SPOCK3: variants seen among roughly 807,000 people sequenced by gnomAD.
SPOCK3 encodes the protein SPARC (osteonectin), cwcv and kazal like domains proteoglycan 3.
SPOCK3 carries 30 observed loss-of-function variants against 56.6 expected under a neutral mutation model. That is an observed-to-expected ratio of 0.53 (90% confidence interval 0.40 to 0.72). The LOEUF (loss-of-function observed/expected upper bound fraction) is 0.72. SPOCK3 is among the 30% of genes least tolerant of loss of function. SPOCK3 has a pLI of 0.00. For synonymous variants in SPOCK3, 196 were observed against 183.3 expected (o/e 1.07, Z -0.56); for missense variants, 527 against 530.0 (o/e 0.99, Z 0.06).
At chr4:166,946,131 C>T (rs1408605249) in intron 4 of SPOCK3, among the ~76,000 whole-genome samples, 1 of 152,062 alleles carries the variant, frequency 6.6e-6, no homozygotes, top group Non-Finnish European at 1.5e-5. Flanking sequence ...ATTTGGTTAT[C>T]TCTGTTTTGC....
At chr4:166,869,606 CTGTGTGTGTGTGTGTG>C (rs34623275) in intron 6 of SPOCK3, among the ~76,000 whole-genome samples, 23 of 141,928 alleles carry the variant, frequency 1.6e-4, no homozygotes, top group Admixed American at 9.4e-4. Flanking sequence ...CAATAGAATT[CTGTGTGTGTGTGTGTG>C]TGTGTGTGTG....
At chr4:166,993,798 C>A (rs1336445177) in intron 4 of SPOCK3, among the ~76,000 whole-genome samples, 1 of 152,126 alleles carries the variant, frequency 6.6e-6, no homozygotes, top group African/African-American at 2.4e-5. Context: ...TTTAATTCTA[C>A]CTTGGGTTGG....
At chr4:167,071,734 A>G (rs1756705079) in intron 2 of SPOCK3, among the ~76,000 whole-genome samples, 1 of 152,068 alleles carries the variant, frequency 6.6e-6, no homozygotes, top group Non-Finnish European at 1.5e-5. Context: ...TTGGATATAT[A>G]CCCAGTAATG....
chr4:166,816,550 T>C (rs1744405469), intron 6 of SPOCK3, among the ~76,000 whole-genome samples: 1 of 152,090 alleles, frequency 6.6e-6, no homozygotes, highest in Non-Finnish European at 1.5e-5. Context: ...TTTTGTTTTT[T>C]TTCCTTCAAG....
intron 2 of SPOCK3, among the ~76,000 whole-genome samples, chr4:167,086,084 G>C (rs1040974492): frequency 6.6e-6 from 1 of 151,850 alleles, no homozygotes; most frequent in African/African-American, 2.4e-5. Flanking sequence ...TTCTTTATCT[G>C]TTTCAACCAT....
intron 3 of SPOCK3, among the ~76,000 whole-genome samples, chr4:167,002,027 C>T (rs932531231): frequency 4.6e-5 from 7 of 152,052 alleles, no homozygotes; most frequent in African/African-American, 1.4e-4. Context: ...GGTGCGATCT[C>T]GGCTCACTTC....
chr4:167,222,844 T>A (rs1189912325), intron 2 of SPOCK3, among the ~76,000 whole-genome samples: 1 of 127,584 alleles, frequency 7.8e-6, no homozygotes, highest in Admixed American at 8.4e-5. Flanking sequence ...TATATTGATA[T>A]GTGAATATAT....
At chr4:167,219,367 T>C (rs1735675235) in intron 2 of SPOCK3, among the ~76,000 whole-genome samples, 1 of 152,224 alleles carries the variant, frequency 6.6e-6, no homozygotes, top group African/African-American at 2.4e-5. Flanking sequence ...TTGCCTATTG[T>C]ACCCTATGTA....
chr4:167,113,255 A>C (rs1259158569), intron 2 of SPOCK3, among the ~76,000 whole-genome samples: 1 of 152,178 alleles, frequency 6.6e-6, no homozygotes, highest in Non-Finnish European at 1.5e-5. Flanking sequence ...TTCGTATTGA[A>C]CAACTCTATA....
intron 6 of SPOCK3, among the ~76,000 whole-genome samples, chr4:166,835,875 G>A (rs528869790): frequency 1.3e-5 from 2 of 152,074 alleles, no homozygotes; most frequent in South Asian, 2.1e-4. Flanking sequence ...ATGTGGTGGT[G>A]CATGCCTGTA....
At chr4:167,154,479 A>G (rs1764656954) in intron 2 of SPOCK3, among the ~76,000 whole-genome samples, 1 of 152,176 alleles carries the variant, frequency 6.6e-6, no homozygotes, top group South Asian at 2.1e-4. Flanking sequence ...GAAAAATAAT[A>G]GCTGGCTGCA....
At chr4:166,870,731 T>C (rs1732374912) in intron 6 of SPOCK3, among the ~76,000 whole-genome samples, 1 of 152,110 alleles carries the variant, frequency 6.6e-6, no homozygotes, top group East Asian at 1.9e-4. Context: ...TGAATAGATA[T>C]GTTAGAAAAG....
At chr4:166,946,721 G>A (rs556837466) in intron 4 of SPOCK3, among the ~76,000 whole-genome samples, 1 of 152,182 alleles carries the variant, frequency 6.6e-6, no homozygotes, top group East Asian at 1.9e-4. Context: ...AAATATCCTA[G>A]TTACTTTGTG....
intron 6 of SPOCK3, among the ~76,000 whole-genome samples, chr4:166,854,037 A>AT (rs2126883153): frequency 6.6e-6 from 1 of 152,288 alleles, no homozygotes; most frequent in East Asian, 1.9e-4. Context: ...ATATTCTATG[A>AT]TTTTTACCTA....
chr4:167,222,656 A>T (rs1309486544), intron 2 of SPOCK3, among the ~76,000 whole-genome samples: 13 of 138,802 alleles, frequency 9.4e-5, no homozygotes, highest in South Asian at 2.2e-4. Context: ...TTCATATATA[A>T]ATATATAAAC....
chr4:166,970,144 A>C (rs908732643), intron 4 of SPOCK3, among the ~76,000 whole-genome samples: 15 of 152,208 alleles, frequency 9.9e-5, no homozygotes, highest in Non-Finnish European at 4.4e-5. Context: ...CTGTAGTCTG[A>C]GTATGCTGAC....
intron 7 of SPOCK3, among the ~76,000 whole-genome samples, chr4:166,782,471 A>G (rs994365214): frequency 6.6e-6 from 1 of 152,188 alleles, no homozygotes. Flanking sequence ...CAAACTTGGC[A>G]TAATTTATAT....
At chr4:166,993,234 G>A (rs1747991202) in intron 4 of SPOCK3, among the ~76,000 whole-genome samples, 1 of 152,114 alleles carries the variant, frequency 6.6e-6, no homozygotes, top group South Asian at 2.1e-4. Context: ...TAGGCCCAGT[G>A]GAGAAATAAA....
At chr4:167,134,141 G>C (rs1762923414) in intron 2 of SPOCK3, among the ~76,000 whole-genome samples, 1 of 142,380 alleles carries the variant, frequency 7.0e-6, no homozygotes, top group African/African-American at 2.6e-5. Flanking sequence ...TGATTCTCCT[G>C]TCTCAGCCTC....
Sources: gnomAD v4.1 joint callset for allele counts (sites outside exome capture counted in the v4.1 genomes callset) on GRCh38, gnomAD v4.1.1 for gene constraint, MANE v1.5 for transcripts, NCBI Gene and HGNC (gene_info 2026-07-23, HGNC 2026-07-21) for gene names.